The following MINAR1 variants were observed in gnomAD, a reference collection of about 807,000 sequenced individuals.
MINAR1 encodes major intrinsically disordered Notch2-binding receptor 1.
MINAR1 carries 40 observed loss-of-function variants against 65.1 expected under a neutral mutation model. The ratio of observed to expected loss-of-function variants is 0.61; its 90% confidence interval spans 0.48 to 0.80. MINAR1 has a LOEUF of 0.80. Ranked by LOEUF, MINAR1 falls within the 30% of genes least tolerant of loss-of-function variation. The pLI, the probability that MINAR1 is intolerant of heterozygous loss-of-function variation, is 0.00. For synonymous variants in MINAR1, 482 were observed against 449.1 expected, an observed-to-expected ratio of 1.07 and a Z score of -0.93; for missense variants, 1,128 against 1,148.0, an observed-to-expected ratio of 0.98 and a Z score of 0.25.
chr15:79,430,350 A>C (rs1894408547), upstream of MINAR1, among the ~76,000 whole-genome samples: 1 of 152,176 alleles, frequency 6.6e-6, no homozygotes, highest in African/African-American at 2.4e-5. Flanking sequence ...GAGAAAAAAC[A>C]GGAAAGAAGA....
At chr15:79,424,265 A>G in the MINAR1 span, 1 of 152,250 alleles carries the variant, frequency 6.6e-6, no homozygotes, top group Non-Finnish European at 1.5e-5. Context: ...GCTTTATCTG[A>G]TCACAAAATA....
chr15:79,458,258 T>C lies in MINAR1; in HGVS notation c.2111T>C (p.Phe704Ser), dbSNP rs1895513577. The change falls in exon 2 of 4, where the codon TTC becomes TCC. Residue 704 changes from phenylalanine to serine, a missense_variant. Transcript: ENST00000305428. ...GTCAAGGCCTTAAAAAAAAGCCTCTTCACCAGGCCATCCTCTAGGTCCCTA... is the reference window on the plus strand; with the variant it reads ...GTCAAGGCCTTAAAAAAAAGCCTCTCCACCAGGCCATCCTCTAGGTCCCTA... ...LRVKALKKSL[F>S]TRPSSRSLTE... 6.2e-7 allele frequency: 1 copy of C among 1,613,862 alleles called. No homozygotes were observed. Among genetic ancestry groups the C allele is most frequent in the Admixed American group, 1.7e-5 (1 of 59,984 alleles).
rs141981957 is a variant in MINAR1 at position 79,442,662 on chromosome 15, T to C, written c.-51+10122T>C. ...AAAAATCTGCCTGGTGAATTTTCTT[T>C]ATGGTTACTGCCCATTTAGAGCCTT... is the stretch of plus-strand genomic sequence containing the variant. On this transcript the variant is annotated intron_variant, in intron 1 of 3. Transcript: ENST00000305428. Among the ~76,000 whole-genome samples the C allele has an allele frequency of 3.5e-3, 530 of 151,916 alleles. 4 individuals are homozygous for C. Among genetic ancestry groups the C allele is most frequent in the African/African-American group, 0.012 (505 of 41,464 alleles).
Position 79,472,234 on chromosome 15 carries a change from T to A in MINAR1, c.*3850T>A, listed in dbSNP as rs1896111222. 6.6e-6 allele frequency: 1 copy of A among 152,620 alleles called. No individual in the cohort carries two copies. The highest frequency in any genetic ancestry group is 2.1e-4 in the South Asian group (1 of 4,826). 9.5% of individuals were successfully genotyped at this position (152,620 alleles called of 1,614,324 possible). A position where few individuals can be genotyped will look rare whatever the true frequency, so the allele number is the denominator to read the frequency against. On this transcript the variant is annotated 3_prime_UTR_variant, in exon 4 of 4. Coordinates refer to ENST00000305428, the MANE Select transcript of MINAR1 (RefSeq NM_015206.3). ...GTAAAATTTGGTTAATGTACAATGG[T>A]TGGTTTGAAGCTATCATGTAAAATT... is the stretch of plus-strand genomic sequence containing the variant.
the MINAR1 span, chr15:79,412,147 C>T: frequency 6.6e-6 from 1 of 151,910 alleles, no homozygotes; most frequent in East Asian, 2.0e-4. Flanking sequence ...ACAGCAGCCC[C>T]TATGGACATG....
At chr15:79,462,605 AGG>A (rs1250296390) in intron 2 of MINAR1, among the ~76,000 whole-genome samples, 2 of 152,132 alleles carry the variant, frequency 1.3e-5, no homozygotes, top group Non-Finnish European at 2.9e-5. Context: ...CCTTGAGGAA[AGG>A]ACCCGTATCT....
At chr15:79,441,581 A>C (rs1002490901) in intron 1 of MINAR1, among the ~76,000 whole-genome samples, 3 of 152,146 alleles carry the variant, frequency 2.0e-5, no homozygotes, top group African/African-American at 7.2e-5. Context: ...ATAAATACTT[A>C]GAAGTGTGGA....
chr15:79,452,750 TGTGTGGGTGA>T lies in MINAR1; in HGVS notation c.-50-3344_-50-3335del, dbSNP rs1567055577. 5.6e-4 allele frequency among the ~76,000 whole-genome samples: 68 copies of T among 120,358 alleles called. 1 individual carries two copies. Among genetic ancestry groups the T allele is most frequent in the Admixed American group, 3.1e-3 (36 of 11,562 alleles). The allele number at this position is 120,358 out of a possible 152,430, so 79.0% of individuals were successfully genotyped here. ...AGTCTGTGTGGGTGTGTGGGGGGGG[TGTGTGGGTGA>T]GTGAAGCTGTGTGCGTGTCTGTGTC... is the stretch of plus-strand genomic sequence containing the variant. On this transcript the variant is annotated intron_variant, in intron 1 of 3. Transcript: ENST00000305428.
the MINAR1 span, chr15:79,424,597 G>A: frequency 6.6e-6 from 1 of 152,242 alleles, no homozygotes; most frequent in East Asian, 1.9e-4. Context: ...GAAGTGCCCA[G>A]ATAAAATTGC....
intron 1 of MINAR1, among the ~76,000 whole-genome samples, chr15:79,449,392 T>C (rs1463408349): frequency 6.6e-6 from 1 of 152,222 alleles, no homozygotes; most frequent in East Asian, 1.9e-4. Context: ...TACATGAGAC[T>C]AGGTAATTTA....
the MINAR1 span, chr15:79,411,772 A>C: frequency 5.0e-6 from 2 of 403,486 alleles, no homozygotes; most frequent in Admixed American, 7.0e-5. Context: ...TAGGGGCAGC[A>C]CTTCAGCCTG....
Position 79,456,194 on chromosome 15 carries a change from A to AGGAACT in MINAR1, c.51_56dup (p.Glu17_Leu18dup). 1 of 1,613,482 alleles carries AGGAACT rather than the reference A, an allele frequency of 6.2e-7. No individual in the cohort carries two copies. Among genetic ancestry groups the AGGAACT allele is most frequent in the Non-Finnish European group, 8.5e-7 (1 of 1,179,768 alleles). On this transcript the variant is annotated inframe_insertion, in exon 2 of 4. Transcript: ENST00000305428. ...TCCCTCTTCTTGGTGAAGATCTTGG[A>AGGAACT]GGAACTGGACAGCAAGCAAAATACC...
chr15:79,427,818 G>A (rs1163097469), upstream of MINAR1, among the ~76,000 whole-genome samples: 1 of 152,166 alleles, frequency 6.6e-6, no homozygotes, highest in Non-Finnish European at 1.5e-5. Context: ...TGGGTTCAGG[G>A]TGAAGTCACT....
chr15:79,452,262 CTGTG>C (rs200511376), intron 1 of MINAR1, among the ~76,000 whole-genome samples: 4 of 151,520 alleles, frequency 2.6e-5, no homozygotes, highest in African/African-American at 4.9e-5. Context: ...GAGCGTGAGT[CTGTG>C]TGTTTAGGTC....
At chr15:79,467,318 C>T (rs1444885164) in intron 3 of MINAR1, among the ~76,000 whole-genome samples, 1 of 152,162 alleles carries the variant, frequency 6.6e-6, no homozygotes, top group South Asian at 2.1e-4. Flanking sequence ...ACTTAAATGA[C>T]CTCACTTCGA....
chr15:79,448,294 G>A (rs1895077308), intron 1 of MINAR1, among the ~76,000 whole-genome samples: 1 of 152,216 alleles, frequency 6.6e-6, no homozygotes, highest in Non-Finnish European at 1.5e-5. Flanking sequence ...AAACAGAAGT[G>A]TAACCCCTTC....
At position 79,470,974 on chromosome 15, in the gene MINAR1, C is replaced by CA. The variant is rs1896056585; in HGVS notation, c.*2592dup. 1 of 152,184 alleles carries CA rather than the reference C, an allele frequency of 6.6e-6. No homozygotes were observed. The highest frequency in any genetic ancestry group is 1.5e-5 in the Non-Finnish European group (1 of 68,086). The allele number at this position is 152,184 out of a possible 1,614,324, so 9.4% of individuals were successfully genotyped here. A position where few individuals can be genotyped will look rare whatever the true frequency, so the allele number is the denominator to read the frequency against. ...TTGGAGCTTTTCTTGCCATTGACCCCAAGCTCACCCCAGCCTTCCTTCCCT... is the reference window on the plus strand; with the variant it reads ...TTGGAGCTTTTCTTGCCATTGACCCCAAAGCTCACCCCAGCCTTCCTTCCCT... On this transcript the variant is annotated 3_prime_UTR_variant, in exon 4 of 4. Coordinates refer to ENST00000305428, the MANE Select transcript of MINAR1 (RefSeq NM_015206.3).
chr15:79,452,965 A>G (rs72742545), intron 1 of MINAR1, among the ~76,000 whole-genome samples: 41,548 of 150,550 alleles, frequency 0.28, 6,452 homozygotes, highest in East Asian at 0.55. Context: ...GTCTGTGTGA[A>G]TGTGAAGCTG....
At chr15:79,464,990 C>A (rs1020081325) in intron 3 of MINAR1, among the ~76,000 whole-genome samples, 2 of 152,272 alleles carry the variant, frequency 1.3e-5, no homozygotes, top group South Asian at 2.1e-4. Context: ...AACATCTTTG[C>A]AAAGTTTGCA....
Sources: gnomAD v4.1 joint callset for allele counts (sites outside exome capture counted in the v4.1 genomes callset) on GRCh38, gnomAD v4.1.1 for gene constraint, MANE v1.5 for transcripts, NCBI Gene and HGNC (gene_info 2026-07-23, HGNC 2026-07-21) for gene names.